Variants in PDGFRL observed in about 807,000 individuals in gnomAD.
PDGFRL encodes the protein platelet derived growth factor receptor like.
Under a neutral mutation model 37.2 loss-of-function variants are expected in PDGFRL, and 46 were observed. The observed-to-expected ratio is 1.24, with a 90% CI of 0.98 to 1.58. The LOEUF (loss-of-function observed/expected upper bound fraction) is 1.58. PDGFRL is among the 40% of genes most tolerant of loss of function. The pLI is 0.00. For missense variants in PDGFRL, 692 were observed against 467.6 expected (o/e 1.48, Z -4.43); for synonymous variants, 251 against 184.3 (o/e 1.36, Z -2.93).
intron 4 of PDGFRL, among the ~76,000 whole-genome samples, chr8:17,632,200 T>G (rs1804876023): frequency 6.6e-6 from 1 of 152,194 alleles, no homozygotes; most frequent in South Asian, 2.1e-4. Context: ...TAAATCACTT[T>G]CAAATCCTAC....
intron 2 of PDGFRL, among the ~76,000 whole-genome samples, chr8:17,599,806 G>A (rs1051315139): frequency 6.6e-6 from 1 of 152,102 alleles, no homozygotes; most frequent in African/African-American, 2.4e-5. Context: ...CTGATCATAT[G>A]TCCTCCTTCC....
At chr8:17,632,860 C>G (rs563618331) in intron 4 of PDGFRL, among the ~76,000 whole-genome samples, 81 of 152,256 alleles carry the variant, frequency 5.3e-4, no homozygotes, top group Admixed American at 1.2e-3. Context: ...TGTCTCCCTG[C>G]TTCTCCTGTT....
intron 5 of PDGFRL, among the ~76,000 whole-genome samples, chr8:17,638,413 G>C (rs902093866): frequency 6.6e-6 from 1 of 151,976 alleles, no homozygotes; most frequent in East Asian, 1.9e-4. Flanking sequence ...GAGAGTACTT[G>C]ATATAATTTC....
intron 4 of PDGFRL, among the ~76,000 whole-genome samples, chr8:17,630,914 T>G (rs575683604): frequency 2.0e-5 from 3 of 152,204 alleles, no homozygotes; most frequent in African/African-American, 7.2e-5. Flanking sequence ...TGAACTTCTT[T>G]GCTCTGAGCT....
intron 2 of PDGFRL, among the ~76,000 whole-genome samples, chr8:17,615,158 C>T (rs1472171807): frequency 6.6e-6 from 1 of 152,184 alleles, no homozygotes; most frequent in Non-Finnish European, 1.5e-5. Context: ...GAAGTCGATG[C>T]TTAATAACTG....
chr8:17,589,811 A>C, intron 2 of PDGFRL, 46 bp downstream of exon 2: 1 of 1,136,146 alleles, frequency 8.8e-7, no homozygotes, highest in Non-Finnish European at 1.3e-6. Flanking sequence ...GATTTGTAAT[A>C]GTTAACAAAA....
At chr8:17,626,492 C>G (rs1804737701) in intron 3 of PDGFRL, among the ~76,000 whole-genome samples, 2 of 152,136 alleles carry the variant, frequency 1.3e-5, no homozygotes, top group African/African-American at 4.8e-5. Context: ...GGCTCATGAA[C>G]CATTTGATGA....
intron 3 of PDGFRL, among the ~76,000 whole-genome samples, chr8:17,621,866 TCTCA>T (rs759581778): frequency 3.3e-5 from 5 of 152,144 alleles, no homozygotes; most frequent in Admixed American, 6.6e-5. Context: ...AGAAGTGAGG[TCTCA>T]CTGTGTTGCC....
chr8:17,627,944 G>C (rs1409764316), intron 3 of PDGFRL, among the ~76,000 whole-genome samples: 2 of 150,608 alleles, frequency 1.3e-5, no homozygotes, highest in Non-Finnish European at 3.0e-5. Flanking sequence ...TGATCCATGG[G>C]CGTCATCTGG....
chr8:17,631,232 G>C (rs1187795186), intron 4 of PDGFRL, among the ~76,000 whole-genome samples: 1 of 152,090 alleles, frequency 6.6e-6, no homozygotes, highest in African/African-American at 2.4e-5. Flanking sequence ...TGCAAGGGAG[G>C]AGGGGAAATA....
intron 2 of PDGFRL, among the ~76,000 whole-genome samples, chr8:17,618,702 C>G (rs951243173): frequency 2.6e-5 from 4 of 152,150 alleles, no homozygotes; most frequent in Non-Finnish European, 2.9e-5. Flanking sequence ...TTTTCCATCA[C>G]TGGTTTAACT....
intron 3 of PDGFRL, among the ~76,000 whole-genome samples, chr8:17,622,657 C>T (rs1358042076): frequency 1.3e-5 from 2 of 152,172 alleles, no homozygotes; most frequent in Non-Finnish European, 1.5e-5. Context: ...AAAACTTAGG[C>T]ACACAGACAC....
chr8:17,588,068 C>T (rs139026589), intron 1 of PDGFRL, among the ~76,000 whole-genome samples: 8 of 152,134 alleles, frequency 5.3e-5, no homozygotes, highest in African/African-American at 1.4e-4. Context: ...AATAAGGGTG[C>T]CTTACTTATA....
intron 2 of PDGFRL, among the ~76,000 whole-genome samples, chr8:17,609,669 G>C (rs866971816): frequency 0.012 from 1,055 of 88,762 alleles, 23 homozygotes; most frequent in African/African-American, 0.037. Flanking sequence ...AAAAAAATAA[G>C]AGCCAAAGAG....
At chr8:17,583,891 T>G (rs1803760788) in intron 1 of PDGFRL, among the ~76,000 whole-genome samples, 1 of 152,206 alleles carries the variant, frequency 6.6e-6, no homozygotes, top group Admixed American at 6.5e-5. Context: ...CCTCACCAGA[T>G]GCCCAGTCTT....
chr8:17,640,909 G>GT (rs1554556400), intron 5 of PDGFRL, among the ~76,000 whole-genome samples: 1 of 151,916 alleles, frequency 6.6e-6, no homozygotes, highest in Non-Finnish European at 1.5e-5. Context: ...TGGGCTAGGC[G>GT]TGTCTGAGCT....
chr8:17,607,178 T>C (rs1804299834), intron 2 of PDGFRL, among the ~76,000 whole-genome samples: 1 of 152,162 alleles, frequency 6.6e-6, no homozygotes, highest in South Asian at 2.1e-4. Context: ...AGAAACGTTT[T>C]AGACGTGTGT....
intron 2 of PDGFRL, among the ~76,000 whole-genome samples, chr8:17,610,443 G>A (rs998782497): frequency 1.1e-4 from 17 of 152,128 alleles, no homozygotes; most frequent in African/African-American, 3.9e-4. Flanking sequence ...TTTCAAATTA[G>A]GGATGCTTAA....
At chr8:17,594,878 C>T (rs1804019310) in intron 2 of PDGFRL, among the ~76,000 whole-genome samples, 1 of 152,208 alleles carries the variant, frequency 6.6e-6, no homozygotes, top group African/African-American at 2.4e-5. Context: ...CAGCGATAGG[C>T]ATTTAGGCTC....
Sources: allele counts gnomAD v4.1 joint callset (sites outside exome capture counted in the v4.1 genomes callset), GRCh38; gene constraint gnomAD v4.1.1; transcripts MANE v1.5; gene names NCBI Gene and HGNC (gene_info 2026-07-23, HGNC 2026-07-21).